Variants in GRID2 observed in about 807,000 individuals in gnomAD.
The protein encoded by GRID2 is glutamate ionotropic receptor delta type subunit 2.
A neutral mutation model predicts 114.8 loss-of-function variants in GRID2; 33 were observed. That is an observed-to-expected ratio of 0.29 (90% CI 0.22 to 0.38). The LOEUF (loss-of-function observed/expected upper bound fraction) is 0.38, where lower values mean the gene tolerates loss of function less well. GRID2 is among the 10% of genes least tolerant of loss of function. The pLI is 1.00. For synonymous variants in GRID2, 505 were observed against 449.9 expected, an observed-to-expected ratio of 1.12 and a Z score of -1.55; for missense variants, 1,184 against 1,257.7, an observed-to-expected ratio of 0.94 and a Z score of 0.89.
intron 2 of GRID2, among the ~76,000 whole-genome samples, chr4:92,809,877 G>C (rs1374797771): frequency 6.6e-6 from 1 of 151,806 alleles, no homozygotes; most frequent in African/African-American, 2.4e-5. Flanking sequence ...TATATCACCA[G>C]GTGTAGTGAA....
Position 93,192,683 on chromosome 4 carries a change from G to A in GRID2, c.736-14721G>A, listed in dbSNP as rs541788794. On this transcript the variant is annotated intron_variant, in intron 4 of 15. Transcript: ENST00000282020. ...AATTGCTTGAACCTGGGAGGCAGAG[G>A]TTGCAGTGAGCCAAGACTGTGCCAT... 2.0e-3 allele frequency among the ~76,000 whole-genome samples: 292 copies of A among 145,936 alleles called. 4 individuals are homozygous for A. The highest frequency in any genetic ancestry group is 0.011 in the South Asian group (51 of 4,640).
intron 2 of GRID2, among the ~76,000 whole-genome samples, chr4:92,785,889 A>C (rs1238983360): frequency 6.6e-6 from 1 of 151,846 alleles, no homozygotes; most frequent in Non-Finnish European, 1.5e-5. Flanking sequence ...TCAATACCTG[A>C]TCATGGAAGC....
At chr4:92,814,234 A>C (rs2149381159) in intron 2 of GRID2, among the ~76,000 whole-genome samples, 1 of 152,254 alleles carries the variant, frequency 6.6e-6, no homozygotes, top group East Asian at 1.9e-4. Context: ...TCAGAGGCCT[A>C]CCAACAGATA....
chr4:93,060,943 A>T (rs1437422056), intron 2 of GRID2, among the ~76,000 whole-genome samples: 1 of 151,990 alleles, frequency 6.6e-6, no homozygotes, highest in Admixed American at 6.6e-5. Context: ...CTTCACTTAG[A>T]AATATAAAAA....
chr4:92,330,957 T>C (rs1249444565), intron 1 of GRID2, among the ~76,000 whole-genome samples: 1 of 152,168 alleles, frequency 6.6e-6, no homozygotes, highest in Non-Finnish European at 1.5e-5. Flanking sequence ...GAATTTCACT[T>C]ATCAAAATTC....
At chr4:92,600,022 G>A (rs1275745850) in intron 2 of GRID2, among the ~76,000 whole-genome samples, 21 of 101,792 alleles carry the variant, frequency 2.1e-4, no homozygotes, top group African/African-American at 8.5e-4. Context: ...AATACTTCAT[G>A]TATGTGTGTG....
chr4:93,452,359 G>GTT (rs1722772012), intron 10 of GRID2, among the ~76,000 whole-genome samples: 1 of 152,056 alleles, frequency 6.6e-6, no homozygotes, highest in Non-Finnish European at 1.5e-5. Flanking sequence ...GGGAAAAAGA[G>GTT]TTTTCTCAGA....
At chr4:93,273,466 C>CTG (rs1751716376) in intron 8 of GRID2, among the ~76,000 whole-genome samples, 2 of 76,910 alleles carry the variant, frequency 2.6e-5, no homozygotes, top group Admixed American at 1.8e-4. Context: ...AATATCCCCC[C>CTG]CCCCAAAAAA....
At chr4:92,452,871 TTA>T (rs1207067354) in intron 1 of GRID2, among the ~76,000 whole-genome samples, 1 of 148,520 alleles carries the variant, frequency 6.7e-6, no homozygotes, top group Non-Finnish European at 1.5e-5. Context: ...ATATATTTTT[TTA>T]CCATATATAT....
At chr4:93,317,726 T>C (rs1395679584) in intron 8 of GRID2, among the ~76,000 whole-genome samples, 1 of 151,860 alleles carries the variant, frequency 6.6e-6, no homozygotes, top group Non-Finnish European at 1.5e-5. Flanking sequence ...GTGAGCAGAA[T>C]TATATTTCCT....
At chr4:92,902,894 T>C (rs763111947) in intron 2 of GRID2, among the ~76,000 whole-genome samples, 6 of 151,952 alleles carry the variant, frequency 3.9e-5, no homozygotes, top group Non-Finnish European at 8.8e-5. Flanking sequence ...TTTTATTTAG[T>C]GGTTAACACA....
intron 2 of GRID2, among the ~76,000 whole-genome samples, chr4:93,075,909 TTTTTTTTTTTTTG>T: frequency 5.2e-5 from 4 of 77,406 alleles, no homozygotes; most frequent in Non-Finnish European, 7.9e-5. Flanking sequence ...TTTTTTTTTT[TTTTTTTTTTTTTG>T]AGATGGAGTC....
intron 2 of GRID2, among the ~76,000 whole-genome samples, chr4:92,625,843 A>G (rs929127277): frequency 6.6e-6 from 1 of 151,954 alleles, no homozygotes; most frequent in Admixed American, 6.6e-5. Context: ...AATACAAAAA[A>G]TCAGAAATAA....
At chr4:93,119,280 TAGTGAAACAGC>T (rs1365869173) in intron 4 of GRID2, among the ~76,000 whole-genome samples, 2 of 152,186 alleles carry the variant, frequency 1.3e-5, no homozygotes, top group African/African-American at 4.8e-5. Context: ...GAAATGAATA[TAGTGAAACAGC>T]AGTGCTCACT....
chr4:92,406,963 A>G (rs748696311), intron 1 of GRID2, among the ~76,000 whole-genome samples: 6 of 151,990 alleles, frequency 3.9e-5, no homozygotes, highest in Non-Finnish European at 8.8e-5. Flanking sequence ...TAATTTATAT[A>G]TAAAAAAGGA....
chr4:93,170,839 G>C (rs868763491), intron 4 of GRID2, among the ~76,000 whole-genome samples: 8 of 150,106 alleles, frequency 5.3e-5, no homozygotes, highest in African/African-American at 2.0e-4. Flanking sequence ...ATTTTCCTTA[G>C]AGTCATGTTT....
At chr4:93,302,678 T>A in intron 8 of GRID2, 1 of 440,144 alleles carries the variant, frequency 2.3e-6, no homozygotes, top group Non-Finnish European at 4.6e-6. Flanking sequence ...CTGTGGCAGT[T>A]TCATAGGCTA....
intron 1 of GRID2, among the ~76,000 whole-genome samples, chr4:92,498,941 AAAAAC>A (rs1322671103): frequency 2.0e-5 from 3 of 151,424 alleles, no homozygotes; most frequent in Non-Finnish European, 3.0e-5. Flanking sequence ...AAAAAAAAAA[AAAAAC>A]AAGTTAGAAG....
intron 2 of GRID2, among the ~76,000 whole-genome samples, chr4:93,011,276 T>C (rs1722111614): frequency 6.6e-6 from 1 of 152,038 alleles, no homozygotes; most frequent in Non-Finnish European, 1.5e-5. Context: ...TTTCTGTTCA[T>C]TTTGAGGTAC....
Sources: gnomAD v4.1 joint callset for allele counts (sites outside exome capture counted in the v4.1 genomes callset) on GRCh38, gnomAD v4.1.1 for gene constraint, MANE v1.5 for transcripts, NCBI Gene and HGNC (gene_info 2026-07-23, HGNC 2026-07-21) for gene names.